Variants in PCDHA10 observed in about 807,000 individuals in gnomAD.
PCDHA10 encodes the protein protocadherin alpha 10, also known as protocadherin alpha-10.
Under a neutral mutation model 61.2 loss-of-function variants are expected in PCDHA10, and 45 were observed. The observed-to-expected ratio is 0.74, with a 90% confidence interval of 0.58 to 0.94. The LOEUF (loss-of-function observed/expected upper bound fraction) is 0.94, where lower values mean the gene tolerates loss of function less well. Ranked by LOEUF, PCDHA10 falls within the 40% of genes least tolerant of loss-of-function variation. The pLI is 0.00. For synonymous variants in PCDHA10, 602 were observed against 548.8 expected (o/e 1.10, Z -1.35); for missense variants, 1,278 against 1,236.2 (o/e 1.03, Z -0.51).
chr5:140,969,147 A>G (rs781909774), intron 1 of PCDHA10: 1 of 1,614,172 alleles, frequency 6.2e-7, no homozygotes, highest in Non-Finnish European at 8.5e-7. Flanking sequence ...TACTGCTACA[A>G]GGCCTGTCTG....
chr5:140,869,106 G>A (rs1300691956), intron 1 of PCDHA10: 1 of 1,602,672 alleles, frequency 6.2e-7, no homozygotes, highest in Non-Finnish European at 8.5e-7. Flanking sequence ...CGTATGCGAT[G>A]TTTGGTTTTC....
intron 1 of PCDHA10, chr5:140,869,187 C>G (rs782446170): frequency 2.5e-6 from 4 of 1,613,830 alleles, no homozygotes; most frequent in African/African-American, 1.3e-5. Flanking sequence ...AGGTGGGGAG[C>G]GGCCAGCTCC....
At chr5:140,921,500 A>G (rs2080246724) in intron 1 of PCDHA10, among the ~76,000 whole-genome samples, 1 of 152,210 alleles carries the variant, frequency 6.6e-6, no homozygotes, top group Admixed American at 6.5e-5. Context: ...AGTTTATTAG[A>G]TAGTGCCTAA....
At chr5:140,877,067 A>C in intron 1 of PCDHA10, 4 of 1,613,082 alleles carry the variant, frequency 2.5e-6, no homozygotes, top group Non-Finnish European at 3.4e-6. Context: ...GAGCTGCTGC[A>C]GTTCCAGGTG....
In PCDHA10 at chr5:140,857,262, C is replaced by A. The variant is rs969366268; in HGVS notation, c.1214C>A (p.Ser405Ter). ...KLVSTYKNYY[S>*]LVLDSALDRE... ...GTGTCCACCTACAAGAATTACTACT[C>A]ATTGGTGCTGGACAGCGCTCTGGAC... The change falls in exon 1 of 4, where the codon TCA (serine) becomes TAA (stop). Residue 405 changes from serine (S) to a stop codon, truncating the protein, a stop_gained. Transcript: ENST00000307360. LOFTEE classifies it high-confidence loss of function. 6.3e-7 allele frequency: 1 copy of A among 1,598,710 alleles called. No homozygotes were observed. The highest frequency in any genetic ancestry group is 8.6e-7 in the Non-Finnish European group (1 of 1,168,036).
intron 1 of PCDHA10, among the ~76,000 whole-genome samples, chr5:140,889,484 A>G (rs2062245315): frequency 6.6e-6 from 1 of 152,158 alleles, no homozygotes; most frequent in Admixed American, 6.5e-5. Context: ...TACTTTCTAC[A>G]GAATCTATAG....
chr5:140,921,151 A>AT (rs11299094), intron 1 of PCDHA10, among the ~76,000 whole-genome samples: 2 of 151,512 alleles, frequency 1.3e-5, no homozygotes. Context: ...CAGCTAATGC[A>AT]TTTTTTTTTT....
intron 1 of PCDHA10, among the ~76,000 whole-genome samples, chr5:140,916,214 C>A (rs1294292456): frequency 6.6e-6 from 1 of 152,266 alleles, no homozygotes; most frequent in African/African-American, 2.4e-5. Flanking sequence ...TGGGGAAGAT[C>A]CAAATATGCT....
intron 3 of PCDHA10, among the ~76,000 whole-genome samples, chr5:140,999,252 T>C (rs1474093411): frequency 1.3e-5 from 2 of 152,204 alleles, no homozygotes; most frequent in African/African-American, 4.8e-5. Flanking sequence ...GGGAGTTGGA[T>C]TAGTAAAGGA....
chr5:140,918,817 A>C (rs1554198772), intron 1 of PCDHA10, among the ~76,000 whole-genome samples: 1 of 62,248 alleles, frequency 1.6e-5, no homozygotes, highest in Non-Finnish European at 2.7e-5. Context: ...TGAACCAAAA[A>C]GTGGCCCCCT....
intron 1 of PCDHA10, among the ~76,000 whole-genome samples, chr5:140,950,045 A>G (rs1293026782): frequency 1.3e-5 from 2 of 151,934 alleles, no homozygotes; most frequent in Non-Finnish European, 2.9e-5. Context: ...ACAACCATAT[A>G]AGACTATTTA....
intron 1 of PCDHA10, among the ~76,000 whole-genome samples, chr5:140,886,356 T>C (rs1457178977): frequency 1.3e-5 from 2 of 152,194 alleles, no homozygotes; most frequent in South Asian, 2.1e-4. Flanking sequence ...GTTTGTTACA[T>C]AGGTGTACAT....
At chr5:140,982,900 C>G (rs1443607900) in intron 3 of PCDHA10, among the ~76,000 whole-genome samples, 1 of 151,932 alleles carries the variant, frequency 6.6e-6, no homozygotes, top group African/African-American at 2.4e-5. Flanking sequence ...ATCTGGTGGC[C>G]TTATGCACAG....
chr5:140,899,969 A>G (rs2067649868), intron 1 of PCDHA10, among the ~76,000 whole-genome samples: 1 of 151,820 alleles, frequency 6.6e-6, no homozygotes, highest in African/African-American at 2.4e-5. Flanking sequence ...TGCCATGCCC[A>G]GCTACTTTTT....
chr5:140,920,640 T>C (rs1554199754), intron 1 of PCDHA10, among the ~76,000 whole-genome samples: 1 of 152,038 alleles, frequency 6.6e-6, no homozygotes, highest in African/African-American at 2.4e-5. Context: ...GGTCAAGAGA[T>C]TGAGACCATC....
rs371505360 is a variant in PCDHA10, at chr5:140,882,840, C to T, written c.2388+24404C>T. 3.2e-5 allele frequency: 51 copies of T among 1,614,214 alleles called. 1 individual carries two copies. The African/African-American group carries it at 5.6e-4, about 18-fold the overall frequency. ...CAAAACAGTCTTGAGCAAATGTCTTCATTATCACTTGTACTGAGGAAAACA... is the reference window on the plus strand; with the variant it reads ...CAAAACAGTCTTGAGCAAATGTCTTTATTATCACTTGTACTGAGGAAAACA... On this transcript the variant is annotated intron_variant, in intron 1 of 3. Transcript: ENST00000307360.
At position 141,010,536 on chromosome 5, in the gene PCDHA10, T is replaced by A; in HGVS notation, c.*599T>A. On this transcript the variant is annotated 3_prime_UTR_variant, in exon 4 of 4. Transcript: ENST00000307360. ...AACTCAAGAGGTGGCAGCCACCCTC[T>A]AGGAGACAAAACTACCCCCACTGAC... 1 of 381,624 alleles carries A rather than the reference T, an allele frequency of 2.6e-6. No homozygotes were observed. The highest frequency in any genetic ancestry group is 4.6e-6 in the Non-Finnish European group (1 of 218,036). 23.6% of individuals were successfully genotyped at this position (381,624 alleles called of 1,614,324 possible).
intron 1 of PCDHA10, among the ~76,000 whole-genome samples, chr5:140,902,203 C>CTT (rs148688132): frequency 1.7e-4 from 21 of 124,438 alleles, no homozygotes; most frequent in East Asian, 4.4e-4. Context: ...CTCTCTCTTT[C>CTT]TTTTTTTTTT....
chr5:140,972,213 C>T (rs1312530794), intron 1 of PCDHA10, among the ~76,000 whole-genome samples: 3 of 151,932 alleles, frequency 2.0e-5, no homozygotes, highest in African/African-American at 7.3e-5. Flanking sequence ...GAATATGGCT[C>T]ACTGCAGCCT....
Sources: gnomAD v4.1 joint callset for allele counts (sites outside exome capture counted in the v4.1 genomes callset) on GRCh38, gnomAD v4.1.1 for gene constraint, MANE v1.5 for transcripts, NCBI Gene and HGNC (gene_info 2026-07-23, HGNC 2026-07-21) for gene names.